FHIT: variants seen among roughly 807,000 people sequenced by gnomAD.
FHIT encodes bis(5'-adenosyl)-triphosphatase.
Under a neutral mutation model 17.9 loss-of-function variants are expected in FHIT, and 19 were observed. The ratio of observed to expected loss-of-function variants is 1.06; its 90% CI spans 0.74 to 1.56. The LOEUF (loss-of-function observed/expected upper bound fraction) is 1.56. FHIT is among the 40% of genes most tolerant of loss of function. The pLI, the probability that FHIT is intolerant of heterozygous loss-of-function variation, is 0.00. For synonymous variants in FHIT, 81 were observed against 69.7 expected (o/e 1.16, Z -0.81); for missense variants, 248 against 189.2 (o/e 1.31, Z -1.82).
At chr3:59,878,755 GAGA>G (rs1326946664) in intron 8 of FHIT, among the ~76,000 whole-genome samples, 5 of 152,198 alleles carry the variant, frequency 3.3e-5, no homozygotes, top group African/African-American at 1.2e-4. Context: ...CGAGCGTTTA[GAGA>G]AGAACATTCA....
chr3:60,186,811 A>C (rs1702178066), intron 5 of FHIT, among the ~76,000 whole-genome samples: 1 of 135,354 alleles, frequency 7.4e-6, no homozygotes, highest in Non-Finnish European at 1.7e-5. Flanking sequence ...TTTTTATTGT[A>C]TTTGTTTTTT....
intron 5 of FHIT, among the ~76,000 whole-genome samples, chr3:60,476,417 T>C (rs777885485): frequency 6.6e-6 from 1 of 152,176 alleles, no homozygotes; most frequent in African/African-American, 2.4e-5. Context: ...GAAACTTTAT[T>C]TGAAAAAGTA....
intron 4 of FHIT, among the ~76,000 whole-genome samples, chr3:60,689,218 C>G (rs2040931134): frequency 7.1e-6 from 1 of 140,620 alleles, no homozygotes; most frequent in South Asian, 2.4e-4. Flanking sequence ...ATTGTGAGGC[C>G]TCCCCAGCCA....
chr3:60,670,844 G>T (rs2040488748), intron 4 of FHIT, among the ~76,000 whole-genome samples: 1 of 152,120 alleles, frequency 6.6e-6, no homozygotes, highest in Admixed American at 6.6e-5. Flanking sequence ...TTAATAAATG[G>T]ACTTAACGGG....
intron 5 of FHIT, among the ~76,000 whole-genome samples, chr3:60,031,272 G>A (rs1575931572): frequency 6.6e-6 from 1 of 152,190 alleles, no homozygotes; most frequent in South Asian, 2.1e-4. Flanking sequence ...CAACCTGGGA[G>A]CCACCAGGAA....
intron 2 of FHIT, among the ~76,000 whole-genome samples, chr3:61,186,480 G>T (rs932018507): frequency 4.6e-5 from 7 of 152,200 alleles, no homozygotes; most frequent in Non-Finnish European, 8.8e-5. Flanking sequence ...GAGGCACAGG[G>T]AGTTGCACGG....
intron 4 of FHIT, among the ~76,000 whole-genome samples, chr3:60,609,275 T>C (rs527900080): frequency 2.6e-5 from 4 of 152,290 alleles, no homozygotes; most frequent in East Asian, 3.9e-4. Flanking sequence ...TCTGGTACTG[T>C]CTAAGGCTGC....
At chr3:59,851,348 AT>A (rs1450572936) in intron 8 of FHIT, among the ~76,000 whole-genome samples, 1 of 152,228 alleles carries the variant, frequency 6.6e-6, no homozygotes, top group East Asian at 1.9e-4. Flanking sequence ...TATGCAGAGC[AT>A]TTCTTATGTG....
At chr3:60,397,564 C>A (rs889472969) in intron 5 of FHIT, among the ~76,000 whole-genome samples, 1 of 152,182 alleles carries the variant, frequency 6.6e-6, no homozygotes, top group African/African-American at 2.4e-5. Context: ...ATAGCAGTAG[C>A]TGAGTTCTTC....
chr3:60,766,584 T>C (rs1400697921), intron 4 of FHIT, among the ~76,000 whole-genome samples: 2 of 152,274 alleles, frequency 1.3e-5, no homozygotes, highest in African/African-American at 4.8e-5. Flanking sequence ...TCTCAACAGA[T>C]TTTGTCTCTA....
rs1393034046 is a variant in FHIT at position 60,565,598 on chromosome 3, T to C, written c.-17-28619A>G. 5.3e-5 allele frequency among the ~76,000 whole-genome samples: 8 copies of C among 152,074 alleles called. No homozygotes were observed. The South Asian group carries it at 8.3e-4, about 16-fold the overall frequency. On this transcript the variant is annotated intron_variant, in intron 4 of 9. Transcript: ENST00000492590. The stretch of plus-strand genomic sequence containing the variant: ...TACTCAGAAAAATATTTCAAGCAAA[T>C]AGATAAAAGACCACTTTTAAAAATC...
intron 4 of FHIT, among the ~76,000 whole-genome samples, chr3:60,657,342 G>A (rs1216073827): frequency 6.6e-6 from 1 of 152,154 alleles, no homozygotes; most frequent in African/African-American, 2.4e-5. Flanking sequence ...ACCACAGAGC[G>A]AAGACTTTTC....
intron 5 of FHIT, among the ~76,000 whole-genome samples, chr3:60,100,212 C>T (rs916609989): frequency 6.6e-6 from 1 of 152,178 alleles, no homozygotes; most frequent in East Asian, 1.9e-4. Context: ...TGGTAAAACC[C>T]CGTCTCTACT....
At chr3:59,993,627 G>A (rs1045083205) in intron 7 of FHIT, among the ~76,000 whole-genome samples, 1 of 151,950 alleles carries the variant, frequency 6.6e-6, no homozygotes, top group African/African-American at 2.4e-5. Flanking sequence ...TGGTTTAAAA[G>A]TTGCTGCTGG....
intron 5 of FHIT, among the ~76,000 whole-genome samples, chr3:60,476,453 T>C (rs1185379131): frequency 6.6e-6 from 1 of 152,164 alleles, no homozygotes; most frequent in Non-Finnish European, 1.5e-5. Context: ...GTGAGACTAC[T>C]GCAATAGGGA....
intron 2 of FHIT, among the ~76,000 whole-genome samples, chr3:61,094,179 C>T (rs551001430): frequency 7.9e-5 from 12 of 151,910 alleles, no homozygotes; most frequent in African/African-American, 2.4e-4. Flanking sequence ...AAAATGGTGA[C>T]GCATCACTGG....
chr3:60,805,485 G>C (rs1701350813), intron 4 of FHIT, among the ~76,000 whole-genome samples: 1 of 152,070 alleles, frequency 6.6e-6, no homozygotes, highest in Admixed American at 6.6e-5. Context: ...AAGGGCACCA[G>C]TTGCATTGGA....
intron 8 of FHIT, among the ~76,000 whole-genome samples, chr3:59,860,871 G>C (rs923561132): frequency 5.3e-5 from 8 of 152,102 alleles, no homozygotes; most frequent in African/African-American, 1.7e-4. Flanking sequence ...AAATAGCACG[G>C]TATGAAAATC....
rs549010867 is a variant in FHIT at position 60,012,953 on chromosome 3, C to T, written c.249+1054G>A. ...CCTTCATTTAGTCTCTCCAGAAACA[C>T]GGTTTGCAACATAAGCTTGATAAAC... On this transcript the variant is annotated intron_variant, in intron 6 of 9. Transcript: ENST00000492590. 5.8e-4 allele frequency among the ~76,000 whole-genome samples: 89 copies of T among 152,286 alleles called. No individual in the cohort carries two copies. In the Middle Eastern group the frequency reaches 0.017, roughly 29 times the overall value.
Sources: gnomAD v4.1 joint callset for allele counts (sites outside exome capture counted in the v4.1 genomes callset) on GRCh38, gnomAD v4.1.1 for gene constraint, MANE v1.5 for transcripts, NCBI Gene and HGNC (gene_info 2026-07-23, HGNC 2026-07-21) for gene names.